Variants in SPEF2 observed in about 807,000 individuals in gnomAD.
SPEF2 encodes sperm flagellar and cilia associated 2, also known as sperm flagella and cilia-associated protein 2.
In SPEF2, 187 loss-of-function variants were observed where a neutral mutation model predicts 224.6. The ratio of observed to expected loss-of-function variants is 0.83; its 90% CI spans 0.74 to 0.94. The LOEUF is 0.94. Among genes scored for constraint, SPEF2 ranks in the 40% least tolerant of loss-of-function variants. SPEF2 has a pLI of 0.00. For synonymous variants in SPEF2, 715 were observed against 707.3 expected (o/e 1.01, Z -0.17); for missense variants, 2,170 against 2,135.6 (o/e 1.02, Z -0.32).
intron 5 of SPEF2, among the ~76,000 whole-genome samples, chr5:35,647,334 G>A (rs758694609): frequency 3.3e-5 from 5 of 151,812 alleles, no homozygotes; most frequent in Admixed American, 6.6e-5. Flanking sequence ...GAGGGTGTAG[G>A]GAGGGAGAGA....
chr5:35,788,270 A>C, intron 30 of SPEF2: 1 of 702,984 alleles, frequency 1.4e-6, no homozygotes, highest in Non-Finnish European at 2.6e-6. Flanking sequence ...ATGCCATGCT[A>C]TTGCCAAGAC....
At chr5:35,651,026 G>C (rs1351784077) in intron 6 of SPEF2, among the ~76,000 whole-genome samples, 1 of 152,210 alleles carries the variant, frequency 6.6e-6, no homozygotes, top group Non-Finnish European at 1.5e-5. Flanking sequence ...CATGATACAA[G>C]ATGGTTGCTG....
At chr5:35,622,432 T>G (rs1743662844) in intron 1 of SPEF2, among the ~76,000 whole-genome samples, 1 of 152,374 alleles carries the variant, frequency 6.6e-6, no homozygotes, top group Admixed American at 6.5e-5. Flanking sequence ...CTTACCATAT[T>G]ATGGAATCGT....
rs1272639461 is a variant in SPEF2, at chr5:35,807,157, A to G, written c.5283A>G (p.Leu1761=). 1.2e-6 allele frequency: 2 copies of G among 1,613,468 alleles called. No individual in the cohort carries two copies. The highest frequency in any genetic ancestry group is 1.7e-6 in the Non-Finnish European group (2 of 1,179,914). Residue 1761 remains leucine, a synonymous_variant, in exon 36 of 37, where the codon CTA becomes CTG. Transcript: ENST00000356031. ...AEGFIKTFQD[L]GAKNLEPIEV... ...GCTTCATAAAAACATTTCAAGACCT[A>G]GGTGCCAAGAACCTGGAGCCAATTG...
intron 30 of SPEF2, among the ~76,000 whole-genome samples, chr5:35,780,685 T>A (rs867966885): frequency 2.0e-5 from 3 of 152,192 alleles, no homozygotes; most frequent in African/African-American, 7.2e-5. Flanking sequence ...CTTCATTTTA[T>A]CCAGGCCATT....
At chr5:35,661,794 T>C (rs1317190805) in intron 8 of SPEF2, among the ~76,000 whole-genome samples, 1 of 152,226 alleles carries the variant, frequency 6.6e-6, no homozygotes, top group East Asian at 1.9e-4. Context: ...CCATGGTGTA[T>C]ATATACCACA....
intron 4 of SPEF2, among the ~76,000 whole-genome samples, chr5:35,646,203 C>G (rs961383439): frequency 4.6e-5 from 7 of 152,080 alleles, no homozygotes; most frequent in African/African-American, 1.4e-4. Context: ...TTAAGTGTGA[C>G]TGGGTTTTGG....
rs375788129 is a variant in SPEF2 at position 35,659,131 on chromosome 5, A to G, written c.1091A>G (p.Gln364Arg). The G allele has an allele frequency of 8.7e-5, 141 of 1,613,370 alleles. 4 individuals carry two copies. In the East Asian group the frequency reaches 1.2e-3, roughly 14 times the overall value. The change falls in exon 8 of 37, where the codon CAA becomes CGA. Residue 364 changes from glutamine to arginine, a missense_variant. Physicochemically the swap from Gln to Arg is conservative, Grantham distance 43. Coordinates refer to ENST00000356031, the MANE Select transcript of SPEF2 (RefSeq NM_024867.4). ...HVRHEKEVLW[Q>R]NRIFREKQHE... ...CGGCATGAAAAGGAAGTTTTATGGC[A>G]AAACAGAATTTTCAGAGAAAAACAA...
chr5:35,682,393 C>T (rs1323572075), intron 10 of SPEF2, among the ~76,000 whole-genome samples: 1 of 152,118 alleles, frequency 6.6e-6, no homozygotes, highest in Non-Finnish European at 1.5e-5. Flanking sequence ...TAACAGGTAT[C>T]AAAAACAGTG....
intron 32 of SPEF2, among the ~76,000 whole-genome samples, chr5:35,793,759 C>CACACACACACACACACACACACAT (rs1554059228): frequency 7.1e-6 from 1 of 141,760 alleles, no homozygotes; most frequent in African/African-American, 2.6e-5. Flanking sequence ...CACACACACA[C>CACACACACACACACACACACACAT]ACACACACAG....
intron 7 of SPEF2, 112 bp downstream of exon 7, chr5:35,654,838 A>G: frequency 2.2e-6 from 2 of 897,324 alleles, no homozygotes; most frequent in Non-Finnish European, 3.2e-6. Context: ...TCTGCATCAA[A>G]TGTCACTTTC....
At chr5:35,671,304 G>A (rs768129224) in intron 10 of SPEF2, 678 of 967,952 alleles carry the variant, frequency 7.0e-4, no homozygotes, top group Middle Eastern at 2.1e-3. Context: ...GTGGTTAAAA[G>A]ATAAGGAAAA....
chr5:35,715,771 T>C (rs1742426854), intron 20 of SPEF2, among the ~76,000 whole-genome samples: 1 of 151,774 alleles, frequency 6.6e-6, no homozygotes, highest in South Asian at 2.1e-4. Flanking sequence ...TTTATGTTCT[T>C]TTTTCTATTT....
At chr5:35,619,403 C>T (rs1357131520) in intron 1 of SPEF2, among the ~76,000 whole-genome samples, 1 of 152,172 alleles carries the variant, frequency 6.6e-6, no homozygotes, top group African/African-American at 2.4e-5. Flanking sequence ...CACACCCGGG[C>T]CGGGTGCGGT....
chr5:35,741,920 T>C (rs529191360), intron 23 of SPEF2, among the ~76,000 whole-genome samples: 1 of 152,342 alleles, frequency 6.6e-6, no homozygotes, highest in African/African-American at 2.4e-5. Context: ...ATGAGAGGAT[T>C]TGGAAATTTA....
chr5:35,649,011 C>G (rs1314268938), intron 5 of SPEF2, among the ~76,000 whole-genome samples: 1 of 143,152 alleles, frequency 7.0e-6, no homozygotes, highest in South Asian at 2.2e-4. Flanking sequence ...GAGACTCCAT[C>G]TCAAAAAAAA....
chr5:35,675,004 A>G (rs1246640324), intron 10 of SPEF2, among the ~76,000 whole-genome samples: 1 of 152,146 alleles, frequency 6.6e-6, no homozygotes, highest in Non-Finnish European at 1.5e-5. Flanking sequence ...CCTGAGCATT[A>G]ATTCTAATTA....
rs777939365 is a variant in SPEF2, at chr5:35,709,114, T to C, written c.2832T>C (p.Pro944=). The C allele has an allele frequency of 6.2e-7, 1 of 1,611,380 alleles. No homozygotes were observed. The highest frequency in any genetic ancestry group is 2.2e-5 in the East Asian group (1 of 44,870). The change falls in exon 19 of 37, where the codon CCT becomes CCC. Residue 944 remains proline (P), a synonymous_variant. Transcript: ENST00000356031. ...ASKTPTAKGK[P]QSEAPHGKQE... is the part of the protein sequence containing the mutation. ...AAACTCCTACTGCAAAAGGAAAACC[T>C]CAATCAGGTGATTGACAGAATGATT...
chr5:35,684,310 T>A (rs1426042811), intron 10 of SPEF2, among the ~76,000 whole-genome samples: 2 of 152,204 alleles, frequency 1.3e-5, no homozygotes, highest in Non-Finnish European at 2.9e-5. Context: ...GCCTTTATTT[T>A]TGGTCTTTGC....
Sources: gnomAD v4.1 joint callset for allele counts (sites outside exome capture counted in the v4.1 genomes callset) on GRCh38, gnomAD v4.1.1 for gene constraint, MANE v1.5 for transcripts, NCBI Gene and HGNC (gene_info 2026-07-23, HGNC 2026-07-21) for gene names.